The following STAT5B variants were observed in gnomAD, a reference collection of about 807,000 sequenced individuals.
STAT5B encodes signal transducer and activator of transcription 5B.
Under a neutral mutation model 107.8 loss-of-function variants are expected in STAT5B, and 21 were observed. The observed-to-expected ratio is 0.19, with a 90% CI of 0.14 to 0.28. The LOEUF is 0.28. Among genes scored for constraint, STAT5B ranks in the 10% least tolerant of loss-of-function variants. STAT5B has a pLI of 1.00. For missense variants in STAT5B, 565 were observed against 1,008.2 expected, an observed-to-expected ratio of 0.56 and a Z score of 5.95; for synonymous variants, 325 against 401.7, an observed-to-expected ratio of 0.81 and a Z score of 2.28.
intron 13 of STAT5B, among the ~76,000 whole-genome samples, chr17:42,211,312 A>C (rs1204788576): frequency 6.6e-6 from 1 of 152,082 alleles, no homozygotes; most frequent in Non-Finnish European, 1.5e-5. Context: ...GTTCGAGACC[A>C]GCCTGACCAA....
At chr17:42,254,732 G>A (rs1338434845) in intron 1 of STAT5B, among the ~76,000 whole-genome samples, 1 of 151,976 alleles carries the variant, frequency 6.6e-6, no homozygotes, top group Non-Finnish European at 1.5e-5. Context: ...AGGACAAACT[G>A]GAAGGGAAGG....
At chr17:42,261,430 A>C (rs978836068) in intron 1 of STAT5B, among the ~76,000 whole-genome samples, 2 of 152,230 alleles carry the variant, frequency 1.3e-5, no homozygotes, top group Admixed American at 1.3e-4. Flanking sequence ...AAGCACTAAA[A>C]AGTACTACGT....
intron 2 of STAT5B, among the ~76,000 whole-genome samples, chr17:42,228,012 G>A (rs1011154211): frequency 1.3e-5 from 2 of 152,098 alleles, no homozygotes; most frequent in Non-Finnish European, 2.9e-5. Flanking sequence ...AGGGTTCTGT[G>A]TACTCTGAAG....
intron 2 of STAT5B, among the ~76,000 whole-genome samples, chr17:42,231,628 TG>T (rs1198693779): frequency 3.3e-5 from 5 of 152,192 alleles, no homozygotes; most frequent in African/African-American, 1.2e-4. Flanking sequence ...AACACAATGT[TG>T]GGCTTTAATT....
At position 42,231,985 on chromosome 17, in the gene STAT5B, T is replaced by A. The variant is rs1326278501; in HGVS notation, c.128+15A>T. The A allele has an allele frequency of 1.2e-6, 2 of 1,613,718 alleles. No individual in the cohort carries two copies. Among genetic ancestry groups the A allele is most frequent in the Non-Finnish European group, 1.7e-6 (2 of 1,179,728 alleles). On this transcript the variant is annotated intron_variant, in intron 2 of 18. Transcript: ENST00000293328. Reference sequence around the variant, plus strand: ...TGTTTCACAAAATATGATGCAAACATCCTTGTTCACCTACCATGCTTGGCT... The same window carrying A: ...TGTTTCACAAAATATGATGCAAACAACCTTGTTCACCTACCATGCTTGGCT...
the STAT5B span, among the ~76,000 whole-genome samples, chr17:42,285,633 A>AG: frequency 6.6e-6 from 1 of 152,190 alleles, no homozygotes; most frequent in Non-Finnish European, 1.5e-5. Flanking sequence ...CACCCACACA[A>AG]GGGGACAAAC....
chr17:42,244,612 CAT>C (rs571641355), intron 1 of STAT5B, among the ~76,000 whole-genome samples: 96 of 152,280 alleles, frequency 6.3e-4, no homozygotes, highest in East Asian at 2.7e-3. Context: ...TAAATCCACA[CAT>C]GTTACCAATA....
rs1028633385 is a variant in STAT5B at position 42,201,445 on chromosome 17, A to C, written c.*293T>G. The stretch of plus-strand genomic sequence containing the variant: ...CTTTTTGCACAAAGTAAAAACCACC[A>C]CAGCTTCTGTCTGTGGCCCCTCTGC... On this transcript the variant is annotated 3_prime_UTR_variant, in exon 19 of 19. Coordinates refer to ENST00000293328, the MANE Select transcript of STAT5B (RefSeq NM_012448.4). 3.4e-4 allele frequency: 204 copies of C among 600,438 alleles called. 3 individuals are homozygous for C. Among genetic ancestry groups the C allele is most frequent in the South Asian group, 3.2e-3 (160 of 50,054 alleles). 37.2% of individuals were successfully genotyped at this position (600,438 alleles called of 1,614,324 possible).
the STAT5B span, among the ~76,000 whole-genome samples, chr17:42,284,494 T>G: frequency 2.6e-5 from 4 of 152,174 alleles, no homozygotes; most frequent in African/African-American, 9.7e-5. Context: ...CTCGAACTCC[T>G]GACCTCAGGT....
At position 42,210,194 on chromosome 17, in the gene STAT5B, G is replaced by C. The variant is rs774286856; in HGVS notation, c.1883C>G (p.Thr628Ser). ...RFSDSEIGGI[T>S]IAWKFDSQER... Reference sequence around the variant, plus strand: ...ACGAGAATCAAACTTCCAAGCAATGGTGATGCCGCCAATTTCTGAGTCACT... The same window carrying C: ...ACGAGAATCAAACTTCCAAGCAATGCTGATGCCGCCAATTTCTGAGTCACT... Residue 628 changes from threonine (T) to serine (S), a missense_variant, in exon 15 of 19, where the codon ACC becomes AGC. By Grantham distance (58) the Thr-to-Ser change is moderately conservative. This residue lies in a region of STAT5B where 7 missense variants were observed against 45.6 expected (regional missense o/e 0.15). Transcript: ENST00000293328. The C allele has an allele frequency of 1.2e-6, 2 of 1,614,152 alleles. No homozygotes were observed. The highest frequency in any genetic ancestry group is 3.3e-5 in the Admixed American group (2 of 60,008).
chr17:42,262,822 A>ATG (rs1181333545), intron 1 of STAT5B, among the ~76,000 whole-genome samples: 10 of 124,224 alleles, frequency 8.0e-5, no homozygotes, highest in Admixed American at 4.0e-4. Context: ...ACACATATAT[A>ATG]TGTGTATATA....
chr17:42,269,899 T>C (rs945705375), intron 1 of STAT5B: 3 of 151,702 alleles, frequency 2.0e-5, no homozygotes, highest in Non-Finnish European at 4.4e-5. Flanking sequence ...CATACAATAG[T>C]TCAGTTGCCT....
At chr17:42,266,321 A>G (rs2080671142) in intron 1 of STAT5B, among the ~76,000 whole-genome samples, 1 of 151,942 alleles carries the variant, frequency 6.6e-6, no homozygotes, top group Non-Finnish European at 1.5e-5. Context: ...TGAGCTCAGG[A>G]CTTTGAGACC....
chr17:42,262,958 G>A (rs2080623862), intron 1 of STAT5B, among the ~76,000 whole-genome samples: 1 of 51,772 alleles, frequency 1.9e-5, no homozygotes, highest in African/African-American at 9.1e-5. Flanking sequence ...GTGTGTGTGT[G>A]TGTGTGTGTG....
intron 5 of STAT5B, among the ~76,000 whole-genome samples, chr17:42,221,972 G>A (rs1267111011): frequency 1.4e-5 from 2 of 142,044 alleles, no homozygotes; most frequent in Admixed American, 7.0e-5. Flanking sequence ...GCTATGTGTG[G>A]TGTGTGTGTG....
chr17:42,233,361 ACTG>A (rs2080332632), intron 1 of STAT5B, among the ~76,000 whole-genome samples: 1 of 152,200 alleles, frequency 6.6e-6, no homozygotes, highest in Admixed American at 6.6e-5. Context: ...CTCCTGAGTT[ACTG>A]CTAAGGAATT....
At chr17:42,261,300 G>C (rs1038371695) in intron 1 of STAT5B, among the ~76,000 whole-genome samples, 1 of 152,140 alleles carries the variant, frequency 6.6e-6, no homozygotes, top group Non-Finnish European at 1.5e-5. Flanking sequence ...AAAAAGAAGA[G>C]AATGATTTAT....
rs551761940 is a variant in STAT5B at position 42,242,742 on chromosome 17, A to G, written c.-10-10605T>C. On this transcript the variant is annotated intron_variant, in intron 1 of 18. Coordinates refer to ENST00000293328, the MANE Select transcript of STAT5B (RefSeq NM_012448.4). ...CAGCACTTTGGGAGGCCAAGCCCAG[A>G]GGATCACTCAAGGTCAAGCATTCGA... Among the ~76,000 whole-genome samples, 6 of 152,200 alleles carry G rather than the reference A, an allele frequency of 3.9e-5. No homozygotes were observed. The East Asian group carries it at 7.7e-4, about 20-fold the overall frequency.
chr17:42,226,808 C>CAAA (rs767274248), intron 3 of STAT5B, among the ~76,000 whole-genome samples: 1 of 47,622 alleles, frequency 2.1e-5, no homozygotes, highest in Admixed American at 2.5e-4. Context: ...AACTCCATCT[C>CAAA]AAAAAAAAAA....
Sources: gnomAD v4.1 joint callset for allele counts (sites outside exome capture counted in the v4.1 genomes callset) on GRCh38, gnomAD v4.1.1 for gene constraint, gnomAD v4.1.1 regional missense constraint, MANE v1.5 for transcripts, NCBI Gene and HGNC (gene_info 2026-07-23, HGNC 2026-07-21) for gene names.